Variants in PDE11A observed in about 807,000 individuals in gnomAD.
PDE11A encodes the protein dual 3',5'-cyclic-AMP and -GMP phosphodiesterase 11A.
A neutral mutation model predicts 100.5 loss-of-function variants in PDE11A; 100 were observed. The observed-to-expected ratio is 1.00, with a 90% CI of 0.85 to 1.18. The LOEUF is 1.18. Ranked by LOEUF, PDE11A falls within the 50% of genes most tolerant of loss-of-function variation. The pLI is 0.00. For missense variants in PDE11A, 1,141 were observed against 1,152.6 expected (o/e 0.99, Z 0.15); for synonymous variants, 381 against 420.8 (o/e 0.91, Z 1.16).
chr2:177,899,587 A>C, intron 3 of PDE11A: 1 of 319,464 alleles, frequency 3.1e-6, no homozygotes, highest in Admixed American at 3.6e-5. Context: ...TCCCTTACAT[A>C]ACTCTGAAAG....
intron 9 of PDE11A, among the ~76,000 whole-genome samples, chr2:177,810,901 G>C (rs747661815): frequency 1.3e-5 from 2 of 152,084 alleles, no homozygotes; most frequent in African/African-American, 2.4e-5. Context: ...AGAGGCTTTG[G>C]GGAGGTAGAA....
chr2:177,961,425 AACTGTATG>A (rs1182317705), intron 2 of PDE11A, among the ~76,000 whole-genome samples: 1 of 152,272 alleles, frequency 6.6e-6, no homozygotes, highest in East Asian at 1.9e-4. Flanking sequence ...TGTTACAAAT[AACTGTATG>A]ACATTTCTTT....
At chr2:178,003,423 G>A (rs1316342490) in intron 2 of PDE11A, among the ~76,000 whole-genome samples, 2 of 152,040 alleles carry the variant, frequency 1.3e-5, no homozygotes, top group African/African-American at 2.4e-5. Context: ...TCTTGAAAAC[G>A]TTATGCTAAG....
chr2:178,016,417 A>G (rs528259767), intron 1 of PDE11A, among the ~76,000 whole-genome samples: 2 of 152,314 alleles, frequency 1.3e-5, no homozygotes, highest in African/African-American at 4.8e-5. Flanking sequence ...TCTCCTGCTC[A>G]AAATAAGTAT....
intron 9 of PDE11A, among the ~76,000 whole-genome samples, chr2:177,785,785 T>A (rs952340176): frequency 1.4e-4 from 21 of 152,186 alleles, no homozygotes; most frequent in African/African-American, 5.1e-4. Context: ...CGCTGATTGC[T>A]AGCACAGCAG....
Position 178,106,781 on chromosome 2 carries a change from G to A in PDE11A, c.-14+1473C>T, listed in dbSNP as rs188898634. ...TCGAGACCAGCCTGGCCAACATGGT[G>A]AAACCTTGTCTCTACTAAAAATACA... On this transcript the variant is annotated intron_variant, in intron 1 of 20. Coordinates refer to the PDE11A transcript ENST00000358450. Among the ~76,000 whole-genome samples the A allele has an allele frequency of 2.0e-3, 298 of 152,076 alleles. No homozygotes were observed. In the Middle Eastern group the frequency reaches 0.024, roughly 12 times the overall value.
chr2:178,046,735 C>T (rs945004044), intron 1 of PDE11A, among the ~76,000 whole-genome samples: 3 of 152,098 alleles, frequency 2.0e-5, no homozygotes, highest in African/African-American at 7.2e-5. Flanking sequence ...TTACTCTTCT[C>T]GGTCAATGTA....
intron 2 of PDE11A, chr2:177,926,758 T>C (rs1024274297): frequency 6.6e-6 from 1 of 152,172 alleles, no homozygotes; most frequent in Non-Finnish European, 1.5e-5. Flanking sequence ...TGGTTTTTTT[T>C]CCTTCTACTC....
chr2:177,850,497 A>T (rs1472380007), intron 5 of PDE11A, among the ~76,000 whole-genome samples: 1 of 152,230 alleles, frequency 6.6e-6, no homozygotes, highest in Non-Finnish European at 1.5e-5. Flanking sequence ...TGTCTAAAAC[A>T]CCAAAAGCAA....
chr2:177,714,505 C>G (rs2081406992), intron 12 of PDE11A, among the ~76,000 whole-genome samples: 1 of 152,116 alleles, frequency 6.6e-6, no homozygotes, highest in Non-Finnish European at 1.5e-5. Context: ...AAGTCATATG[C>G]CCAGGGTCTC....
intron 6 of PDE11A, among the ~76,000 whole-genome samples, chr2:177,829,576 T>C (rs1365917830): frequency 2.6e-5 from 4 of 151,360 alleles, no homozygotes; most frequent in South Asian, 2.1e-4. Flanking sequence ...CCTGAGTAGT[T>C]GGGACTACAG....
chr2:178,102,428 G>GTTTTTTT (rs769341186), intron 2 of PDE11A, among the ~76,000 whole-genome samples: 1 of 55,364 alleles, frequency 1.8e-5, no homozygotes, highest in Non-Finnish European at 3.1e-5. Context: ...CCTGGTCTAA[G>GTTTTTTT]TTTTTTTTTT....
At chr2:177,652,730 A>G (rs1241007961) in intron 19 of PDE11A, among the ~76,000 whole-genome samples, 1 of 152,172 alleles carries the variant, frequency 6.6e-6, no homozygotes, top group Non-Finnish European at 1.5e-5. Flanking sequence ...TGGCACAGCT[A>G]GAAACTAATA....
chr2:177,887,726 C>T (rs1182583351), intron 4 of PDE11A, among the ~76,000 whole-genome samples: 3 of 152,126 alleles, frequency 2.0e-5, no homozygotes, highest in Admixed American at 6.5e-5. Context: ...TGCACTCCAG[C>T]GTAGGTGACA....
intron 9 of PDE11A, among the ~76,000 whole-genome samples, chr2:177,798,463 ATTAT>A (rs1442439458): frequency 6.6e-6 from 1 of 152,204 alleles, no homozygotes; most frequent in Non-Finnish European, 1.5e-5. Flanking sequence ...AACATTAATG[ATTAT>A]TTATCTTACA....
intron 1 of PDE11A, among the ~76,000 whole-genome samples, chr2:178,031,321 G>A (rs1206556056): frequency 4.6e-5 from 7 of 152,110 alleles, no homozygotes; most frequent in African/African-American, 1.7e-4. Context: ...CATGATACTG[G>A]AGGTTCTTGC....
chr2:177,723,526 A>C (rs2081559931), intron 12 of PDE11A, among the ~76,000 whole-genome samples: 1 of 152,186 alleles, frequency 6.6e-6, no homozygotes, highest in African/African-American at 2.4e-5. Flanking sequence ...ATAATATTCT[A>C]TATGAACCCT....
At chr2:178,073,027 C>CT, upstream of PDE11A, 1 of 985,390 alleles carries the variant, frequency 1.0e-6, no homozygotes, top group Middle Eastern at 5.2e-4. Flanking sequence ...TTCTTGCTCC[C>CT]TTACCTCCCC....
chr2:177,710,361 C>T (rs1220646642), intron 13 of PDE11A, among the ~76,000 whole-genome samples: 3 of 147,666 alleles, frequency 2.0e-5, no homozygotes, highest in South Asian at 2.2e-4. Flanking sequence ...CTGAGTGGTG[C>T]GGGGGAGGCG....
Sources: gnomAD v4.1 joint callset for allele counts (sites outside exome capture counted in the v4.1 genomes callset) on GRCh38, gnomAD v4.1.1 for gene constraint, MANE v1.5 for transcripts, NCBI Gene and HGNC (gene_info 2026-07-23, HGNC 2026-07-21) for gene names.